DPM1: variants seen among roughly 807,000 people sequenced by gnomAD.
The protein encoded by DPM1 is dolichyl-phosphate mannosyltransferase subunit 1, catalytic.
A neutral mutation model predicts 39.0 loss-of-function variants in DPM1; 27 were observed. The observed-to-expected ratio is 0.69, with a 90% CI of 0.51 to 0.95. The LOEUF (loss-of-function observed/expected upper bound fraction) is 0.95. DPM1 is among the 40% of genes least tolerant of loss of function. The pLI, the probability that DPM1 is intolerant of heterozygous loss-of-function variation, is 0.00. For missense variants in DPM1, 307 were observed against 315.6 expected (o/e 0.97, Z 0.21); for synonymous variants, 124 against 109.0 (o/e 1.14, Z -0.86).
chr20:50,949,661 G>A (rs1986476330), intron 2 of DPM1, among the ~76,000 whole-genome samples: 1 of 152,158 alleles, frequency 6.6e-6, no homozygotes, highest in Non-Finnish European at 1.5e-5. Context: ...TCATTAGTGA[G>A]CATGTCTTGT....
intron 3 of DPM1, 91 bp downstream of exon 3, chr20:50,948,538 T>C: frequency 8.6e-7 from 1 of 1,166,832 alleles, no homozygotes; most frequent in Non-Finnish European, 1.3e-6. Flanking sequence ...AGTTACTGTA[T>C]TTTGGCCCTA....
intron 1 of DPM1, among the ~76,000 whole-genome samples, chr20:50,955,988 T>C (rs1206089927): frequency 6.6e-6 from 1 of 152,264 alleles, no homozygotes; most frequent in East Asian, 1.9e-4. Context: ...TCAGTGATTA[T>C]TCTTGTTAAT....
chr20:50,956,672 C>T (rs534388795), intron 1 of DPM1, among the ~76,000 whole-genome samples: 1 of 152,330 alleles, frequency 6.6e-6, no homozygotes, highest in South Asian at 2.1e-4. Context: ...TATCTATTCT[C>T]CAAGAGTAGA....
intron 7 of DPM1, among the ~76,000 whole-genome samples, chr20:50,938,312 C>T (rs886571894): frequency 6.6e-6 from 1 of 151,544 alleles, no homozygotes; most frequent in Admixed American, 6.6e-5. Flanking sequence ...TGTCTAGCGA[C>T]AAATGAACTT....
At chr20:50,952,609 C>G (rs1384202506) in intron 2 of DPM1, among the ~76,000 whole-genome samples, 2 of 152,122 alleles carry the variant, frequency 1.3e-5, no homozygotes, top group African/African-American at 4.8e-5. Flanking sequence ...CAGTGAGGCT[C>G]AGTATTTTTT....
intron 6 of DPM1, chr20:50,941,227 A>AACATATATATAG (rs751974533): frequency 1.6e-5 from 1 of 60,784 alleles, no homozygotes; most frequent in African/African-American, 8.3e-5. Flanking sequence ...AAAAAAAGTG[A>AACATATATATAG]ATATATATAT....
chr20:50,946,974 C>T (rs1451633233), intron 3 of DPM1, among the ~76,000 whole-genome samples: 1 of 152,078 alleles, frequency 6.6e-6, no homozygotes, highest in Non-Finnish European at 1.5e-5. Flanking sequence ...TTTGGGAGGC[C>T]GAGGCAGGCG....
intron 2 of DPM1, among the ~76,000 whole-genome samples, chr20:50,953,995 C>T (rs116444231): frequency 1.0e-3 from 159 of 152,282 alleles, no homozygotes; most frequent in African/African-American, 3.6e-3. Flanking sequence ...TGAGGTGTGA[C>T]AGACCTGAGT....
At chr20:50,952,929 A>T (rs1460990705) in intron 2 of DPM1, among the ~76,000 whole-genome samples, 1 of 152,200 alleles carries the variant, frequency 6.6e-6, no homozygotes, top group Non-Finnish European at 1.5e-5. Context: ...ATTTACAGAG[A>T]GCAGATCTTA....
intron 1 of DPM1, 98 bp downstream of exon 1, chr20:50,958,265 A>G: frequency 6.6e-7 from 1 of 1,514,630 alleles, no homozygotes; most frequent in East Asian, 2.4e-5. Flanking sequence ...TGAGGCAAAG[A>G]AGGCTGGACA....
chr20:50,941,227 A>AATATATATATATATAT lies in DPM1; in HGVS notation c.495-310_495-295dup, dbSNP rs58694792. The AATATATATATATATAT allele has an allele frequency of 6.8e-3, 414 of 61,098 alleles. 5 individuals carry two copies. The highest frequency in any genetic ancestry group is 0.011 in the Middle Eastern group (1 of 92). The allele number at this position is 61,098 out of a possible 1,614,324, so 3.8% of individuals were successfully genotyped here. A position where few individuals can be genotyped will look rare whatever the true frequency, so the allele number is the denominator to read the frequency against. On this transcript the variant is annotated intron_variant, in intron 6 of 8. Coordinates refer to ENST00000371588, the MANE Select transcript of DPM1 (RefSeq NM_003859.3). ...CTCCATCACTACAAAAAAAAAAGTG[A>AATATATATATATATAT]ATATATATATATATATATATATATA...
chr20:50,945,982 G>C, intron 3 of DPM1, 59 bp from the exon 4 acceptor site: 1 of 1,408,776 alleles, frequency 7.1e-7, no homozygotes, highest in South Asian at 1.2e-5. Flanking sequence ...ATATACATTT[G>C]AACATCAAGG....
At chr20:50,940,996 C>T (rs763331111) in intron 6 of DPM1, 63 bp from the exon 7 acceptor site, 19 of 1,434,620 alleles carry the variant, frequency 1.3e-5, no homozygotes, top group Admixed American at 5.1e-5. Context: ...AGAAACACAT[C>T]GAAGAACAGT....
At chr20:50,936,325 C>A in intron 7 of DPM1, 63 bp from the exon 8 acceptor site, 1 of 1,131,778 alleles carries the variant, frequency 8.8e-7, no homozygotes, top group South Asian at 1.3e-5. Flanking sequence ...GTATCCTGAC[C>A]TTTCAAAGAG....
In DPM1 at chr20:50,958,313, G is replaced by A. The variant is rs186781097; in HGVS notation, c.161+50C>T. On this transcript the variant is annotated intron_variant, in intron 1 of 8. Coordinates refer to ENST00000371588, the MANE Select transcript of DPM1 (RefSeq NM_003859.3). ...GCAGCCAGCTGCCGACACCCGGGCCGGGGAAGCCAGCTCATCTCATTCTTC... is the reference window on the plus strand; with the variant it reads ...GCAGCCAGCTGCCGACACCCGGGCCAGGGAAGCCAGCTCATCTCATTCTTC... 2.2e-5 allele frequency: 35 copies of A among 1,603,370 alleles called. No individual in the cohort carries two copies. The African/African-American group carries it at 2.9e-4, about 13-fold the overall frequency.
intron 2 of DPM1, among the ~76,000 whole-genome samples, chr20:50,949,800 G>A (rs1428440398): frequency 2.0e-5 from 3 of 151,714 alleles, no homozygotes; most frequent in African/African-American, 7.3e-5. Flanking sequence ...TCTGCTGGAG[G>A]TTTCTATTTG....
intron 7 of DPM1, among the ~76,000 whole-genome samples, chr20:50,936,569 C>G (rs1985177078): frequency 6.6e-6 from 1 of 152,114 alleles, no homozygotes; most frequent in Non-Finnish European, 1.5e-5. Flanking sequence ...TGATGCAGAA[C>G]CATCCATTAT....
chr20:50,948,134 A>G (rs1986391410), intron 3 of DPM1, among the ~76,000 whole-genome samples: 1 of 152,162 alleles, frequency 6.6e-6, no homozygotes, highest in African/African-American at 2.4e-5. Flanking sequence ...AGGGAGGGGA[A>G]AAGGGAAAAG....
At position 50,944,021 on chromosome 20, in the gene DPM1, T is replaced by C. The variant is rs554494644; in HGVS notation, c.398+1716A>G. Among the ~76,000 whole-genome samples the C allele has an allele frequency of 2.6e-4, 40 of 152,366 alleles. No homozygotes were observed. In the East Asian group the frequency reaches 7.3e-3, roughly 28 times the overall value. On this transcript the variant is annotated intron_variant, in intron 5 of 8. Transcript: ENST00000371588. ...CCCCAAAGTGCTGGGATTACAGGCG[T>C]GAGCCACTGCGCCCGGCCAAGCCTG...
Sources: gnomAD v4.1 joint callset for allele counts (sites outside exome capture counted in the v4.1 genomes callset) on GRCh38, gnomAD v4.1.1 for gene constraint, MANE v1.5 for transcripts, NCBI Gene and HGNC (gene_info 2026-07-23, HGNC 2026-07-21) for gene names.